The following SPTBN1 variants were observed in gnomAD, a reference collection of about 807,000 sequenced individuals.
SPTBN1 encodes the protein spectrin beta chain, non-erythrocytic 1.
SPTBN1 carries 32 observed loss-of-function variants against 266.4 expected under a neutral mutation model. The observed-to-expected ratio is 0.12, with a 90% CI of 0.09 to 0.16. The LOEUF (loss-of-function observed/expected upper bound fraction) is 0.16. Ranked by LOEUF, SPTBN1 falls within the 10% of genes least tolerant of loss-of-function variation. The pLI is 1.00. For missense variants in SPTBN1, 2,296 were observed against 3,067.1 expected (o/e 0.75, Z 5.94); for synonymous variants, 1,336 against 1,162.2 (o/e 1.15, Z -3.04).
At chr2:54,472,313 C>T (rs1375159443) in intron 1 of SPTBN1, among the ~76,000 whole-genome samples, 1 of 152,144 alleles carries the variant, frequency 6.6e-6, no homozygotes, top group Non-Finnish European at 1.5e-5. Context: ...AGGCATGAGC[C>T]ACTGCGCCCA....
rs147841312 is a variant in SPTBN1, at chr2:54,497,604, C to T, written c.-47-28768C>T. ...TAAACTTTGAACAACTGCCTTTCCT[C>T]AAAGGCAAAACTAACTTTTTTGGGA... is the stretch of plus-strand genomic sequence containing the variant. On this transcript the variant is annotated intron_variant, in intron 1 of 35. Coordinates refer to ENST00000356805, the MANE Select transcript of SPTBN1 (RefSeq NM_003128.3). Among the ~76,000 whole-genome samples, 6 of 152,278 alleles carry T rather than the reference C, an allele frequency of 3.9e-5. No homozygotes were observed. In the East Asian group the frequency reaches 1.2e-3, roughly 29 times the overall value.
intron 2 of SPTBN1, among the ~76,000 whole-genome samples, chr2:54,571,563 AC>A: frequency 1.5e-5 from 1 of 65,428 alleles, no homozygotes; most frequent in South Asian, 3.9e-4. Flanking sequence ...ACACACACAC[AC>A]ACACACACAC....
At chr2:54,643,941 C>T (rs1215477600) in intron 19 of SPTBN1, among the ~76,000 whole-genome samples, 1 of 151,952 alleles carries the variant, frequency 6.6e-6, no homozygotes, top group Non-Finnish European at 1.5e-5. Context: ...CACTGTACTT[C>T]AGCCTGGGTG....
intron 1 of SPTBN1, among the ~76,000 whole-genome samples, chr2:54,501,421 A>T: frequency 6.6e-6 from 1 of 152,226 alleles, no homozygotes. Flanking sequence ...TCACTTCTGC[A>T]TATTGTAGAA....
intron 1 of SPTBN1, chr2:54,515,854 A>T (rs1415650011): frequency 1.3e-5 from 2 of 151,892 alleles, no homozygotes; most frequent in Non-Finnish European, 2.9e-5. Flanking sequence ...CTAATTGCCC[A>T]CCCATGAAAT....
chr2:54,664,951 A>G lies in SPTBN1; in HGVS notation c.6659+260A>G, dbSNP rs1410664303. On this transcript the variant is annotated intron_variant, in intron 33 of 35. Transcript: ENST00000356805. The surrounding 1 kb of genome is among the most constrained non-coding windows in gnomAD (Gnocchi z 5.6). ...AGTTCATCTAGAGAAGGAATTTGCT[A>G]GATTGAGACTGAAGAGTCTTCTTTA... is the stretch of plus-strand genomic sequence containing the variant. 2.2e-6 allele frequency: 1 copy of G among 455,976 alleles called. No homozygotes were observed. Among genetic ancestry groups the G allele is most frequent in the East Asian group, 3.8e-5 (1 of 26,060 alleles). 28.2% of individuals were successfully genotyped at this position (455,976 alleles called of 1,614,324 possible).
At position 54,466,519 on chromosome 2, in the gene SPTBN1, G is replaced by A. The variant is rs1293092427; in HGVS notation, c.-48+10001G>A. On this transcript the variant is annotated intron_variant, in intron 1 of 35. Coordinates refer to ENST00000356805, the MANE Select transcript of SPTBN1 (RefSeq NM_003128.3). The stretch of plus-strand genomic sequence containing the variant: ...GAAGCTTGCAGTGAGCCGAGATCGC[G>A]CCACTGCACTCCAGCCTGGGCGACA... Among the ~76,000 whole-genome samples the A allele has an allele frequency of 8.8e-5, 2 of 22,736 alleles. 1 individual carries two copies. Among genetic ancestry groups the A allele is most frequent in the Non-Finnish European group, 1.2e-4 (2 of 16,348 alleles). The allele number at this position is 22,736 out of a possible 152,430, so 14.9% of individuals were successfully genotyped here.
intron 1 of SPTBN1, among the ~76,000 whole-genome samples, chr2:54,493,436 ACT>A (rs912330346): frequency 6.7e-6 from 1 of 149,064 alleles, no homozygotes; most frequent in African/African-American, 2.5e-5. Flanking sequence ...AGACAGTCTA[ACT>A]CTTGTCACGC....
chr2:54,598,163 G>A (rs1365716140), intron 2 of SPTBN1, among the ~76,000 whole-genome samples: 1 of 152,134 alleles, frequency 6.6e-6, no homozygotes, highest in Non-Finnish European at 1.5e-5. Context: ...TATGTCTAGA[G>A]TTTTATACCT....
At chr2:54,539,345 T>G (rs1007094630) in intron 2 of SPTBN1, among the ~76,000 whole-genome samples, 1 of 152,228 alleles carries the variant, frequency 6.6e-6, no homozygotes, top group Admixed American at 6.5e-5. Context: ...GATTTCTTTG[T>G]GTTTAATAAT....
At chr2:54,597,846 C>T (rs1230174585) in intron 2 of SPTBN1, among the ~76,000 whole-genome samples, 1 of 148,878 alleles carries the variant, frequency 6.7e-6, no homozygotes, top group African/African-American at 2.5e-5. Flanking sequence ...GAAATACATG[C>T]CAAATTGTTG....
At chr2:54,484,470 C>T (rs574024159) in intron 1 of SPTBN1, among the ~76,000 whole-genome samples, 1 of 152,240 alleles carries the variant, frequency 6.6e-6, no homozygotes, top group Non-Finnish European at 1.5e-5. Context: ...TATTCTCTTT[C>T]CTCAAGCTCA....
intron 7 of SPTBN1, 92 bp from the exon 8 acceptor site, chr2:54,621,308 A>G (rs1222328721): frequency 2.3e-6 from 2 of 854,112 alleles, no homozygotes; most frequent in Non-Finnish European, 3.9e-6. Flanking sequence ...GAACTGTTCC[A>G]TGTTGACCAG....
intron 1 of SPTBN1, among the ~76,000 whole-genome samples, chr2:54,478,422 G>A (rs1214122934): frequency 2.6e-5 from 4 of 152,256 alleles, no homozygotes; most frequent in African/African-American, 9.6e-5. Context: ...TCGTGGAAGA[G>A]CAGTGTTTTC....
intron 5 of SPTBN1, among the ~76,000 whole-genome samples, chr2:54,617,183 T>A (rs1213160234): frequency 1.3e-5 from 2 of 152,256 alleles, no homozygotes; most frequent in Non-Finnish European, 2.9e-5. Flanking sequence ...GAAAGAAAGC[T>A]GAGTGTCACT....
At chr2:54,660,096 C>T (rs1341919214) in intron 32 of SPTBN1, 97 bp downstream of exon 32, 1 of 1,611,900 alleles carries the variant, frequency 6.2e-7, no homozygotes, top group African/African-American at 1.3e-5. Flanking sequence ...AAGTTCACTA[C>T]CATTTGTCAA....
At chr2:54,614,787 A>G (rs1022033423) in intron 4 of SPTBN1, among the ~76,000 whole-genome samples, 1 of 151,724 alleles carries the variant, frequency 6.6e-6, no homozygotes, top group Non-Finnish European at 1.5e-5. Context: ...TGGGCGACAG[A>G]GACTGTCTCA....
chr2:54,653,973 G>T lies in SPTBN1; in HGVS notation c.5822+120G>T, dbSNP rs969914985. 4 of 1,454,764 alleles carry T rather than the reference G, an allele frequency of 2.7e-6. No homozygotes were observed. The highest frequency in any genetic ancestry group is 2.4e-5 in the East Asian group (1 of 40,944). 90.1% of individuals were successfully genotyped at this position (1,454,764 alleles called of 1,614,324 possible). On this transcript the variant is annotated intron_variant, in intron 27 of 35. Transcript: ENST00000356805. The surrounding 1 kb of genome is among the most constrained non-coding windows in gnomAD (Gnocchi z 5.1). ...TGCCTGAGCGCTTCAAGGCCAGAGT[G>T]GGGGTGGGGCGGTGCTTGGAGTGCG...
chr2:54,618,675 G>T (rs554860970), intron 7 of SPTBN1, among the ~76,000 whole-genome samples: 2 of 152,224 alleles, frequency 1.3e-5, no homozygotes, highest in Admixed American at 1.3e-4. Context: ...TTATCTGAAG[G>T]TGGCAAGCAG....
Sources: gnomAD v4.1 joint callset for allele counts (sites outside exome capture counted in the v4.1 genomes callset) on GRCh38, gnomAD v4.1.1 for gene constraint, Gnocchi (gnomAD v3.1) non-coding constraint, MANE v1.5 for transcripts, NCBI Gene and HGNC (gene_info 2026-07-23, HGNC 2026-07-21) for gene names.